Variants in NRN1 observed in about 807,000 individuals in gnomAD.
NRN1 encodes neuritin.
In NRN1, 4 loss-of-function variants were observed where a neutral mutation model predicts 15.0. That is an observed-to-expected ratio of 0.27 (90% CI 0.13 to 0.61). NRN1 has a LOEUF of 0.61. Among genes scored for constraint, NRN1 ranks in the 20% least tolerant of loss-of-function variants. The pLI is 0.87. For missense variants in NRN1, 134 were observed against 181.9 expected, an observed-to-expected ratio of 0.74 and a Z score of 1.51; for synonymous variants, 85 against 79.8, an observed-to-expected ratio of 1.07 and a Z score of -0.35.
chr6:6,003,265 A>T, intron 1 of NRN1: 1 of 1,234,466 alleles, frequency 8.1e-7, no homozygotes. Flanking sequence ...GGCGCGGATG[A>T]TGAGTGGTCT....
rs577420653 is a variant in NRN1 at position 6,002,636 on chromosome 6, A to G, written c.56-139T>C. The G allele has an allele frequency of 9.4e-5, 107 of 1,144,208 alleles. No individual in the cohort carries two copies. In the African/African-American group the frequency reaches 1.5e-3, roughly 16 times the overall value. The allele number at this position is 1,144,208 out of a possible 1,614,324, so 70.9% of individuals were successfully genotyped here. ...CCAGCGCCCAGCCTCGGGGCTCGCC[A>G]GTGTTAAAGGTGAATGAAAGACGTG... On this transcript the variant is annotated intron_variant, in intron 1 of 2. Coordinates refer to ENST00000244766, the MANE Select transcript of NRN1 (RefSeq NM_016588.3).
intron 1 of NRN1, 116 bp downstream of exon 1, chr6:6,006,579 T>A: frequency 1.1e-6 from 1 of 901,258 alleles, no homozygotes; most frequent in Non-Finnish European, 1.8e-6. Flanking sequence ...CTCGGGGGAT[T>A]GCCGGCTTCT....
At chr6:6,000,829 C>T (rs1397310640) in intron 2 of NRN1, among the ~76,000 whole-genome samples, 1 of 139,992 alleles carries the variant, frequency 7.1e-6, no homozygotes, top group African/African-American at 2.7e-5. Flanking sequence ...CAGAAGTGGG[C>T]TTCAGCTCCG....
At chr6:6,003,980 C>T (rs1358436069) in intron 1 of NRN1, 1 of 1,219,544 alleles carries the variant, frequency 8.2e-7, no homozygotes, top group Non-Finnish European at 1.0e-6. Context: ...CCCCCGGCCC[C>T]CAACGCGGGC....
chr6:5,999,273 G>T, intron 2 of NRN1, 69 bp from the exon 3 acceptor site: 1 of 1,366,618 alleles, frequency 7.3e-7, no homozygotes, highest in Non-Finnish European at 1.0e-6. Flanking sequence ...CCGGGCTTGC[G>T]CCCCTGCGCC....
At chr6:6,007,387 A>T (rs1209926666), upstream of NRN1, 3 of 152,208 alleles carry the variant, frequency 2.0e-5, 1 homozygote, top group Admixed American at 2.0e-4. Flanking sequence ...GCTCTCTACG[A>T]TGCAGGGGGG....
chr6:6,003,792 G>A, intron 1 of NRN1: 3 of 1,234,080 alleles, frequency 2.4e-6, no homozygotes, highest in Non-Finnish European at 3.0e-6. Flanking sequence ...GCCCAAAGCA[G>A]CCCGGGCGCC....
At chr6:6,003,030 C>T (rs921994075) in intron 1 of NRN1, 3 of 485,410 alleles carry the variant, frequency 6.2e-6, no homozygotes, top group East Asian at 3.5e-5. Flanking sequence ...CGCCACATCA[C>T]GAGAATAAGC....
chr6:5,998,890 C>G lies in NRN1; in HGVS notation c.*86G>C, dbSNP rs955098818. On this transcript the variant is annotated 3_prime_UTR_variant, in exon 3 of 3. Coordinates refer to ENST00000244766, the MANE Select transcript of NRN1 (RefSeq NM_016588.3). ...TCAGCATCACAGAGAATCACAACGT[C>G]CCCAAAGAACTAATGGATCTTCCTC... 1.1e-6 allele frequency: 1 copy of G among 879,976 alleles called. No homozygotes were observed. The highest frequency in any genetic ancestry group is 1.8e-6 in the Non-Finnish European group (1 of 560,568). 54.5% of individuals were successfully genotyped at this position (879,976 alleles called of 1,614,324 possible).
intron 1 of NRN1, chr6:6,002,835 C>T (rs1412966774): frequency 2.0e-5 from 8 of 404,374 alleles, no homozygotes; most frequent in Admixed American, 4.2e-5. Context: ...CCTCCCTCAT[C>T]CCTTTTATTT....
chr6:6,002,309 G>T, intron 2 of NRN1, 44 bp downstream of exon 2: 1 of 1,606,390 alleles, frequency 6.2e-7, no homozygotes, highest in Non-Finnish European at 8.5e-7. Flanking sequence ...GACCTCAGTA[G>T]CGCCCCCAAA....
intron 1 of NRN1, among the ~76,000 whole-genome samples, chr6:6,005,325 A>G (rs1385808158): frequency 6.6e-6 from 1 of 152,258 alleles, no homozygotes; most frequent in Non-Finnish European, 1.5e-5. Context: ...AATATTATTT[A>G]CAGCAGCTCT....
chr6:6,005,424 C>T (rs1758082044), intron 1 of NRN1, among the ~76,000 whole-genome samples: 1 of 152,240 alleles, frequency 6.6e-6, no homozygotes, highest in Admixed American at 6.5e-5. Context: ...CCTGCACTCA[C>T]ACACTCTAAA....
upstream of NRN1, among the ~76,000 whole-genome samples, chr6:6,007,280 CT>C: frequency 6.6e-6 from 1 of 152,052 alleles, no homozygotes; most frequent in African/African-American, 2.4e-5. Flanking sequence ...GGGGCTCCCC[CT>C]CCCTTCCCCG....
chr6:6,006,098 G>GT (rs1758102379), intron 1 of NRN1, among the ~76,000 whole-genome samples: 1 of 152,070 alleles, frequency 6.6e-6, no homozygotes, highest in Non-Finnish European at 1.5e-5. Flanking sequence ...CTCTTCAATG[G>GT]TAAGCATGTT....
rs540441505 is a variant in NRN1 at position 6,004,066 on chromosome 6, G to T, written c.56-1569C>A. ...CGTAGCAGCTTCCGAGAGCGTACCC[G>T]TTTGCAAATTGCTGCAGGAAGAGCG... On this transcript the variant is annotated intron_variant, in intron 1 of 2. Coordinates refer to ENST00000244766, the MANE Select transcript of NRN1 (RefSeq NM_016588.3). 5.3e-6 allele frequency: 6 copies of T among 1,133,758 alleles called. No homozygotes were observed. In the African/African-American group the frequency reaches 8.0e-5, roughly 15 times the overall value. 70.2% of individuals were successfully genotyped at this position (1,133,758 alleles called of 1,614,324 possible).
chr6:6,003,139 G>T, intron 1 of NRN1: 1 of 1,172,228 alleles, frequency 8.5e-7, no homozygotes, highest in East Asian at 3.2e-5. Context: ...TACCGAAATG[G>T]ATTGTTTCAT....
At chr6:6,002,988 G>A (rs1393600426) in intron 1 of NRN1, 1 of 406,536 alleles carries the variant, frequency 2.5e-6, no homozygotes, top group African/African-American at 2.1e-5. Flanking sequence ...GTGGGGAGAC[G>A]ACAGGGCGTG....
At position 6,004,450 on chromosome 6, in the gene NRN1, T is replaced by C. The variant is rs540425608; in HGVS notation, c.56-1953A>G. Among the ~76,000 whole-genome samples the C allele has an allele frequency of 4.6e-5, 7 of 152,210 alleles. No homozygotes were observed. The South Asian group carries it at 1.5e-3, about 32-fold the overall frequency. ...CCTTGCCTACACCCCCAAAACTCAG[T>C]GGCGAAAGAAGCCCCTAAAATGCAT... On this transcript the variant is annotated intron_variant, in intron 1 of 2. Transcript: ENST00000244766.
Sources: allele counts gnomAD v4.1 joint callset (sites outside exome capture counted in the v4.1 genomes callset), GRCh38; gene constraint gnomAD v4.1.1; transcripts MANE v1.5; gene names NCBI Gene and HGNC (gene_info 2026-07-23, HGNC 2026-07-21).